The following MSRA variants were observed in gnomAD, a reference collection of about 807,000 sequenced individuals.
MSRA encodes methionine sulfoxide reductase A.
In MSRA, 54 loss-of-function variants were observed where a neutral mutation model predicts 31.3. The ratio of observed to expected loss-of-function variants is 1.73; its 90% CI spans 1.39 to 2.17. The LOEUF is 2.17. MSRA is among the 30% of genes most tolerant of loss of function. The pLI is 0.00. For missense variants in MSRA, 507 were observed against 300.9 expected (o/e 1.69, Z -5.07); for synonymous variants, 169 against 116.5 (o/e 1.45, Z -2.90).
intron 5 of MSRA, among the ~76,000 whole-genome samples, chr8:10,335,162 T>A (rs1563363959): frequency 6.7e-6 from 1 of 150,338 alleles, no homozygotes; most frequent in Non-Finnish European, 1.5e-5. Context: ...AGCTTCTCCA[T>A]GGAATGGGAA....
intron 1 of MSRA, among the ~76,000 whole-genome samples, chr8:10,198,251 C>T (rs539654831): frequency 3.3e-5 from 5 of 152,226 alleles, no homozygotes; most frequent in Admixed American, 1.3e-4. Context: ...ACTACAGCAT[C>T]ACCATGCTTC....
chr8:10,158,559 A>G (rs1804369797), intron 1 of MSRA, among the ~76,000 whole-genome samples: 1 of 152,208 alleles, frequency 6.6e-6, no homozygotes, highest in African/African-American at 2.4e-5. Context: ...AGTCCCTTTG[A>G]TTGCTGGTCA....
At chr8:10,230,825 C>T (rs1180299488) in intron 2 of MSRA, among the ~76,000 whole-genome samples, 1 of 152,128 alleles carries the variant, frequency 6.6e-6, no homozygotes, top group African/African-American at 2.4e-5. Context: ...GCTCTCGTTG[C>T]CCAGGCTGGA....
chr8:10,145,219 C>G (rs1585025218), intron 1 of MSRA, among the ~76,000 whole-genome samples: 4 of 152,274 alleles, frequency 2.6e-5, no homozygotes, highest in African/African-American at 9.6e-5. Flanking sequence ...ATCGGAGCAC[C>G]TGTTCTATGT....
rs564304082 is a variant in MSRA, at chr8:10,056,450, C to G, written c.142+1792C>G. ...CAAAACCTCAGGACCTGGTTCTTTT[C>G]CAGGCTCTGCTGTCTCCATATAGCT... is the stretch of plus-strand genomic sequence containing the variant. On this transcript the variant is annotated intron_variant, in intron 1 of 5. Transcript: ENST00000317173. Among the ~76,000 whole-genome samples the G allele has an allele frequency of 4.6e-5, 7 of 152,160 alleles. No homozygotes were observed. In the South Asian group the frequency reaches 1.5e-3, roughly 32 times the overall value.
chr8:10,068,326 A>G (rs1797563405), intron 1 of MSRA, among the ~76,000 whole-genome samples: 1 of 152,208 alleles, frequency 6.6e-6, no homozygotes, highest in South Asian at 2.1e-4. Flanking sequence ...AATTTAAATG[A>G]CATCCAGCTT....
At chr8:10,276,522 C>T (rs1298906944) in intron 3 of MSRA, among the ~76,000 whole-genome samples, 2 of 152,148 alleles carry the variant, frequency 1.3e-5, no homozygotes, top group Non-Finnish European at 2.9e-5. Context: ...GGCATTAAGC[C>T]CAAAATTATT....
At chr8:10,187,808 G>T (rs1329349548) in intron 1 of MSRA, among the ~76,000 whole-genome samples, 1 of 152,184 alleles carries the variant, frequency 6.6e-6, no homozygotes, top group Non-Finnish European at 1.5e-5. Flanking sequence ...GTCTTCAGAG[G>T]TAGTTCTATA....
intron 5 of MSRA, among the ~76,000 whole-genome samples, chr8:10,373,665 G>A (rs558630232): frequency 9.8e-5 from 15 of 152,388 alleles, no homozygotes; most frequent in Admixed American, 8.5e-4. Context: ...AGGGGATTCC[G>A]GGAAGGAAGC....
At chr8:10,345,136 T>C (rs1398070790) in intron 5 of MSRA, among the ~76,000 whole-genome samples, 3 of 152,170 alleles carry the variant, frequency 2.0e-5, no homozygotes, top group Non-Finnish European at 4.4e-5. Flanking sequence ...TTCCAAGAGC[T>C]TATCAAGCCT....
chr8:10,311,651 G>A (rs79934567), intron 4 of MSRA, among the ~76,000 whole-genome samples: 18,384 of 152,084 alleles, frequency 0.12, 1,190 homozygotes, highest in South Asian at 0.18. Context: ...TATGGCTCAC[G>A]TCTGTAATAC....
At chr8:10,095,197 C>T (rs531325953) in intron 1 of MSRA, among the ~76,000 whole-genome samples, 1 of 152,338 alleles carries the variant, frequency 6.6e-6, no homozygotes, top group East Asian at 1.9e-4. Context: ...TTACATACAT[C>T]TCTTCTCACA....
chr8:10,263,105 G>T (rs2975677), intron 3 of MSRA, among the ~76,000 whole-genome samples: 13,094 of 152,230 alleles, frequency 0.086, 801 homozygotes, highest in Admixed American at 0.19. Context: ...CCGAGGCCTA[G>T]TGTCTAGAAA....
At chr8:10,105,980 T>C (rs1994223) in intron 1 of MSRA, among the ~76,000 whole-genome samples, 33,223 of 152,156 alleles carry the variant, frequency 0.22, 3,845 homozygotes, top group East Asian at 0.4. Flanking sequence ...GTATATGAAA[T>C]TGCTTTAGTA....
At chr8:10,118,329 G>A (rs909967261) in intron 1 of MSRA, among the ~76,000 whole-genome samples, 2 of 152,130 alleles carry the variant, frequency 1.3e-5, no homozygotes, top group Non-Finnish European at 2.9e-5. Context: ...AGTGAACCAT[G>A]GGAAGTGCTA....
At chr8:10,218,093 A>G (rs1239703282) in intron 2 of MSRA, among the ~76,000 whole-genome samples, 1 of 151,718 alleles carries the variant, frequency 6.6e-6, no homozygotes, top group Non-Finnish European at 1.5e-5. Context: ...TTCAGGAGGC[A>G]TTTAACACCC....
intron 3 of MSRA, among the ~76,000 whole-genome samples, chr8:10,284,927 A>G (rs780544765): frequency 6.6e-6 from 1 of 152,066 alleles, no homozygotes; most frequent in Non-Finnish European, 1.5e-5. Flanking sequence ...CTAGTTTTGC[A>G]TCTTCAAAAT....
intron 1 of MSRA, among the ~76,000 whole-genome samples, chr8:10,080,627 G>A (rs1355302926): frequency 2.6e-5 from 4 of 151,832 alleles, no homozygotes; most frequent in Admixed American, 6.6e-5. Flanking sequence ...CTGGGCTCAC[G>A]CAATCCTCCC....
At chr8:10,260,959 C>G (rs749756381) in intron 3 of MSRA, among the ~76,000 whole-genome samples, 13 of 152,040 alleles carry the variant, frequency 8.6e-5, no homozygotes, top group Non-Finnish European at 1.9e-4. Context: ...AGTCTAAGCA[C>G]AAAGTGAAAA....
Sources: gnomAD v4.1 joint callset for allele counts (sites outside exome capture counted in the v4.1 genomes callset) on GRCh38, gnomAD v4.1.1 for gene constraint, MANE v1.5 for transcripts, NCBI Gene and HGNC (gene_info 2026-07-23, HGNC 2026-07-21) for gene names.